NCOA3: variants seen among roughly 807,000 people sequenced by gnomAD.
NCOA3 encodes the protein CBP-interacting protein.
Under a neutral mutation model 158.8 loss-of-function variants are expected in NCOA3, and 51 were observed. The observed-to-expected ratio is 0.32, with a 90% CI of 0.26 to 0.41. The LOEUF (loss-of-function observed/expected upper bound fraction) is 0.41. Among genes scored for constraint, NCOA3 ranks in the 10% least tolerant of loss-of-function variants. The pLI, the probability that NCOA3 is intolerant of heterozygous loss-of-function variation, is 1.00. For missense variants in NCOA3, 1,510 were observed against 1,746.6 expected, an observed-to-expected ratio of 0.86 and a Z score of 2.41; for synonymous variants, 537 against 592.4, an observed-to-expected ratio of 0.91 and a Z score of 1.36.
chr20:47,598,801 C>T (rs6066399), intron 2 of NCOA3, among the ~76,000 whole-genome samples: 10,354 of 152,214 alleles, frequency 0.068, 452 homozygotes, highest in Non-Finnish European at 0.097. Flanking sequence ...TGTATCCATA[C>T]AGTGAAGTAT....
chr20:47,617,751 T>A (rs763898156), intron 2 of NCOA3, among the ~76,000 whole-genome samples: 1 of 152,216 alleles, frequency 6.6e-6, no homozygotes, highest in Non-Finnish European at 1.5e-5. Flanking sequence ...GCTTTTTTAT[T>A]TCTCATGTTG....
At position 47,650,998 on chromosome 20, in the gene NCOA3, C is replaced by G. The variant is rs1263709823; in HGVS notation, c.3668C>G (p.Ala1223Gly). 6.2e-7 allele frequency: 1 copy of G among 1,613,680 alleles called. No homozygotes were observed. The change falls in exon 20 of 23, where the codon GCT (alanine) becomes GGT (glycine). Residue 1223 changes from alanine (A) to glycine (G), a missense_variant. Coordinates refer to ENST00000371998, the MANE Select transcript of NCOA3 (RefSeq NM_181659.3). ...GGGTATTAGCAGGGTTTTCTTAATG[C>G]TCAAATGGTCGCCCAACGCAGCAGA... ...QVSSQQGFLN[A>G]QMVAQRSREL...
intron 20 of NCOA3, among the ~76,000 whole-genome samples, chr20:47,651,671 A>T (rs979036004): frequency 4.0e-5 from 6 of 148,652 alleles, no homozygotes; most frequent in Admixed American, 2.7e-4. Flanking sequence ...TGGATTTATT[A>T]TTTTTTTTTT....
intron 1 of NCOA3, among the ~76,000 whole-genome samples, chr20:47,524,902 G>A (rs1484532374): frequency 6.6e-6 from 1 of 151,802 alleles, no homozygotes; most frequent in Non-Finnish European, 1.5e-5. Flanking sequence ...GCTAATTTTT[G>A]TATTTCTATT....
intron 17 of NCOA3, among the ~76,000 whole-genome samples, chr20:47,644,960 T>C (rs2086665524): frequency 6.6e-6 from 1 of 150,618 alleles, no homozygotes; most frequent in Admixed American, 6.6e-5. Context: ...CCTCCCAAAG[T>C]GCTGAGATTA....
chr20:47,618,396 T>TC (rs1307551561), intron 2 of NCOA3, among the ~76,000 whole-genome samples: 27 of 142,544 alleles, frequency 1.9e-4, no homozygotes, highest in African/African-American at 6.5e-4. Context: ...TCTTGCTGCC[T>TC]AGGCTGGAGT....
intron 13 of NCOA3, 64 bp from the exon 14 acceptor site, chr20:47,638,943 GT>G: frequency 7.6e-7 from 1 of 1,319,320 alleles, no homozygotes; most frequent in Non-Finnish European, 1.0e-6. Context: ...TGGTATTTGT[GT>G]TTTGTACTTG....
intron 2 of NCOA3, among the ~76,000 whole-genome samples, chr20:47,603,156 A>C (rs943620221): frequency 6.6e-6 from 1 of 152,236 alleles, no homozygotes; most frequent in Non-Finnish European, 1.5e-5. Flanking sequence ...CCACTACCAA[A>C]ACTTCATTTG....
At chr20:47,564,710 T>C (rs2085164421) in intron 1 of NCOA3, among the ~76,000 whole-genome samples, 1 of 152,220 alleles carries the variant, frequency 6.6e-6, no homozygotes, top group Admixed American at 6.5e-5. Context: ...ATTTAAAGTT[T>C]TTAATTTTTG....
intron 1 of NCOA3, among the ~76,000 whole-genome samples, chr20:47,506,156 A>T (rs2084029237): frequency 6.6e-6 from 1 of 152,142 alleles, no homozygotes; most frequent in Admixed American, 6.5e-5. Context: ...GGGTTACAAA[A>T]TAAACACTTC....
In NCOA3 at chr20:47,621,654, A is replaced by AT. The variant is rs749582388; in HGVS notation, c.-19-558dup. The stretch of plus-strand genomic sequence containing the variant: ...AGCATACTATTTTTCCATCAGTCAA[A>AT]TTTTTTTTTTTTTTTTTGAGACGGA... On this transcript the variant is annotated intron_variant, in intron 2 of 22. Coordinates refer to ENST00000371998, the MANE Select transcript of NCOA3 (RefSeq NM_181659.3). Among the ~76,000 whole-genome samples, 546 of 119,778 alleles carry AT rather than the reference A, an allele frequency of 4.6e-3. 20 individuals carry two copies. Among genetic ancestry groups the AT allele is most frequent in the Middle Eastern group, 0.016 (3 of 190 alleles). 78.6% of individuals were successfully genotyped at this position (119,778 alleles called of 152,430 possible). A position where few individuals can be genotyped will look rare whatever the true frequency, so the allele number is the denominator to read the frequency against.
At chr20:47,592,095 T>C (rs1057101616) in intron 2 of NCOA3, among the ~76,000 whole-genome samples, 2 of 152,198 alleles carry the variant, frequency 1.3e-5, no homozygotes, top group African/African-American at 4.8e-5. Flanking sequence ...CAGGCTGGAG[T>C]GCAGTGGTGC....
chr20:47,591,380 G>A (rs755678978), intron 2 of NCOA3, among the ~76,000 whole-genome samples: 17 of 152,156 alleles, frequency 1.1e-4, no homozygotes, highest in Non-Finnish European at 2.9e-5. Context: ...AAGGTACTTT[G>A]TACAGTCTTT....
At chr20:47,575,820 G>T (rs1241497979) in intron 1 of NCOA3, among the ~76,000 whole-genome samples, 1 of 152,164 alleles carries the variant, frequency 6.6e-6, no homozygotes, top group African/African-American at 2.4e-5. Context: ...GTTCATTTAG[G>T]ATTTGACTAA....
chr20:47,552,572 A>G (rs1448899666), intron 1 of NCOA3, among the ~76,000 whole-genome samples: 1 of 152,194 alleles, frequency 6.6e-6, no homozygotes, highest in Non-Finnish European at 1.5e-5. Context: ...TAGTAGATCT[A>G]TCTACCTAGG....
chr20:47,560,854 T>C (rs2085089972), intron 1 of NCOA3, among the ~76,000 whole-genome samples: 1 of 152,140 alleles, frequency 6.6e-6, no homozygotes, highest in African/African-American at 2.4e-5. Flanking sequence ...TTCAATAATT[T>C]TGAGTTATAG....
In NCOA3 at chr20:47,649,010, G is replaced by A. The variant is rs80189427; in HGVS notation, c.3552G>A (p.Leu1184=). The A allele has an allele frequency of 6.2e-7, 1 of 1,611,076 alleles. No homozygotes were observed. Among genetic ancestry groups the A allele is most frequent in the African/African-American group, 1.3e-5 (1 of 74,938 alleles). The change falls in exon 19 of 23, where the codon TTG becomes TTA. Residue 1184 remains leucine, a synonymous_variant. Transcript: ENST00000371998. ...ACCAACTTGTCTCACCTCAGTTTTTGAATCAGAGCCGACAGGCACTTGAAT... is the reference window on the plus strand; with the variant it reads ...ACCAACTTGTCTCACCTCAGTTTTTAAATCAGAGCCGACAGGCACTTGAAT... ...LQQRLQGQQF[L]NQSRQALELK...
At chr20:47,613,686 G>A (rs528929274) in intron 2 of NCOA3, among the ~76,000 whole-genome samples, 4 of 152,188 alleles carry the variant, frequency 2.6e-5, no homozygotes, top group Admixed American at 2.0e-4. Flanking sequence ...GCTGAGGCCG[G>A]TGGATCATGA....
intron 1 of NCOA3, among the ~76,000 whole-genome samples, chr20:47,534,380 C>T (rs2084599913): frequency 6.6e-6 from 1 of 152,036 alleles, no homozygotes; most frequent in Non-Finnish European, 1.5e-5. Context: ...ACTTGGTACC[C>T]ACCACAAGAT....
Sources: allele counts gnomAD v4.1 joint callset (sites outside exome capture counted in the v4.1 genomes callset), GRCh38; gene constraint gnomAD v4.1.1; transcripts MANE v1.5; gene names NCBI Gene and HGNC (gene_info 2026-07-23, HGNC 2026-07-21).